RRP15: variants seen among roughly 807,000 people sequenced by gnomAD.
RRP15 encodes the protein RRP15-like protein.
Under a neutral mutation model 27.1 loss-of-function variants are expected in RRP15, and 18 were observed. That is an observed-to-expected ratio of 0.66 (90% confidence interval 0.46 to 0.98). RRP15 has a LOEUF of 0.98. RRP15 is among the 50% of genes least tolerant of loss of function. The probability of loss-of-function intolerance (pLI) is 0.00; values close to 1 mark genes in which losing one functional copy is unlikely to be tolerated. For synonymous variants in RRP15, 107 were observed against 109.4 expected, an observed-to-expected ratio of 0.98 and a Z score of 0.14; for missense variants, 359 against 337.8, an observed-to-expected ratio of 1.06 and a Z score of -0.49.
chr1:218,291,972 G>T (rs1558201068), intron 1 of RRP15, among the ~76,000 whole-genome samples: 1 of 152,068 alleles, frequency 6.6e-6, no homozygotes, highest in Non-Finnish European at 1.5e-5. Flanking sequence ...AAAGTAGCTA[G>T]GACCACAAGT....
At chr1:218,320,280 A>C (rs2102511506) in intron 4 of RRP15, among the ~76,000 whole-genome samples, 1 of 144,324 alleles carries the variant, frequency 6.9e-6, no homozygotes, top group East Asian at 2.0e-4. Flanking sequence ...CTCACTGTTC[A>C]ATTCCCACCT....
In RRP15 at chr1:218,334,326, T is replaced by A. The variant is rs1251160295; in HGVS notation, c.*3235T>A. 1 of 152,210 alleles carries A rather than the reference T, an allele frequency of 6.6e-6. No homozygotes were observed. Among genetic ancestry groups the A allele is most frequent in the African/African-American group, 2.4e-5 (1 of 41,458 alleles). 9.4% of individuals were successfully genotyped at this position (152,210 alleles called of 1,614,324 possible). A position where few individuals can be genotyped will look rare whatever the true frequency, so the allele number is the denominator to read the frequency against. On this transcript the variant is annotated 3_prime_UTR_variant, in exon 5 of 5. Coordinates refer to ENST00000366932, the MANE Select transcript of RRP15 (RefSeq NM_016052.4). Reference sequence around the variant, plus strand: ...TACCACTAGTACTTAGAGCCTAAAGTCACTCAGTAGGAGGTTCTCAAAGGT... The same window carrying A: ...TACCACTAGTACTTAGAGCCTAAAGACACTCAGTAGGAGGTTCTCAAAGGT...
chr1:218,309,224 A>C (rs1232725388), intron 4 of RRP15, among the ~76,000 whole-genome samples: 1 of 152,194 alleles, frequency 6.6e-6, no homozygotes, highest in East Asian at 1.9e-4. Context: ...ACCCTGCCCC[A>C]TGCCATCAAT....
At chr1:218,314,729 A>C (rs1400142871) in intron 4 of RRP15, among the ~76,000 whole-genome samples, 1 of 152,134 alleles carries the variant, frequency 6.6e-6, no homozygotes, top group South Asian at 2.1e-4. Flanking sequence ...ATGGTGGCTC[A>C]CATCTGTAAT....
chr1:218,298,794 C>G (rs766940188), intron 1 of RRP15, among the ~76,000 whole-genome samples: 7 of 152,180 alleles, frequency 4.6e-5, no homozygotes, highest in Non-Finnish European at 8.8e-5. Flanking sequence ...ACTCAATAGG[C>G]TCTTGTGGCT....
At chr1:218,295,528 G>T (rs1292260759) in intron 1 of RRP15, among the ~76,000 whole-genome samples, 1 of 152,170 alleles carries the variant, frequency 6.6e-6, no homozygotes, top group Non-Finnish European at 1.5e-5. Flanking sequence ...TATAACAAAA[G>T]ACTTGATAAC....
chr1:218,320,795 G>A (rs904612477), intron 4 of RRP15, among the ~76,000 whole-genome samples: 2 of 151,860 alleles, frequency 1.3e-5, no homozygotes, highest in African/African-American at 4.8e-5. Flanking sequence ...AATCCATAAA[G>A]TATGTTTTTA....
At chr1:218,324,855 A>G (rs1656247786) in intron 4 of RRP15, among the ~76,000 whole-genome samples, 1 of 152,008 alleles carries the variant, frequency 6.6e-6, no homozygotes, top group Non-Finnish European at 1.5e-5. Context: ...TTGACTTTTC[A>G]TATTTAATTT....
intron 1 of RRP15, among the ~76,000 whole-genome samples, chr1:218,291,395 A>G (rs554924917): frequency 2.5e-4 from 38 of 150,228 alleles, no homozygotes; most frequent in African/African-American, 9.3e-4. Flanking sequence ...CAGTGGGCCA[A>G]GATTGTGCCA....
intron 4 of RRP15, among the ~76,000 whole-genome samples, chr1:218,317,149 A>T (rs1319435884): frequency 6.6e-6 from 1 of 152,232 alleles, no homozygotes; most frequent in Non-Finnish European, 1.5e-5. Flanking sequence ...AATGTGCAGA[A>T]CATCATTAGA....
chr1:218,299,757 A>T (rs1655781383), intron 1 of RRP15, among the ~76,000 whole-genome samples: 1 of 152,162 alleles, frequency 6.6e-6, no homozygotes, highest in Non-Finnish European at 1.5e-5. Context: ...TTATTTTGTT[A>T]TTAGTGTCTG....
chr1:218,311,413 ATACT>A (rs747909656), intron 4 of RRP15, among the ~76,000 whole-genome samples: 9 of 152,112 alleles, frequency 5.9e-5, no homozygotes, highest in African/African-American at 1.2e-4. Flanking sequence ...TACAATAATA[ATACT>A]TACTTTCTTC....
chr1:218,314,896 G>A (rs549550722), intron 4 of RRP15, among the ~76,000 whole-genome samples: 1 of 151,500 alleles, frequency 6.6e-6, no homozygotes, highest in African/African-American at 2.4e-5. Flanking sequence ...GGAGGCTGAG[G>A]CAGGAGAATC....
intron 3 of RRP15, among the ~76,000 whole-genome samples, chr1:218,305,878 G>A (rs1216430571): frequency 1.3e-5 from 2 of 152,104 alleles, no homozygotes; most frequent in African/African-American, 2.4e-5. Context: ...GCCAGTGCTC[G>A]GTTCAAATCG....
Position 218,331,040 on chromosome 1 carries a change from T to C in RRP15, c.798T>C (p.Ser266=), listed in dbSNP as rs536456594. 6.2e-7 allele frequency: 1 copy of C among 1,613,710 alleles called. No homozygotes were observed. Residue 266 remains serine (S), a synonymous_variant, in exon 5 of 5, where the codon AGT becomes AGC. Transcript: ENST00000366932. ...GASMKDWDKE[S]DGPDDSRPES... is the part of the protein sequence containing the mutation. ...CTATGAAAGACTGGGACAAGGAAAG[T>C]GATGGGCCAGATGACAGCAGACCAG... is the stretch of plus-strand genomic sequence containing the variant.
intron 3 of RRP15, among the ~76,000 whole-genome samples, chr1:218,306,562 G>A (rs1655901997): frequency 6.6e-6 from 1 of 152,094 alleles, no homozygotes; most frequent in South Asian, 2.1e-4. Context: ...ATAATTATTG[G>A]AAGAGGCAGA....
chr1:218,319,911 G>A (rs2102511128), intron 4 of RRP15, among the ~76,000 whole-genome samples: 1 of 151,798 alleles, frequency 6.6e-6, no homozygotes, highest in East Asian at 1.9e-4. Context: ...AGACTAATTG[G>A]CAGAGTGTAT....
In RRP15 at chr1:218,331,026, T is replaced by C; in HGVS notation, c.784T>C (p.Trp262Arg). 1 of 1,613,872 alleles carries C rather than the reference T, an allele frequency of 6.2e-7. No homozygotes were observed. Among genetic ancestry groups the C allele is most frequent in the Middle Eastern group, 1.7e-4 (1 of 6,060 alleles). Reference sequence around the variant, plus strand: ...CATGATGGGAGCATCTATGAAAGACTGGGACAAGGAAAGTGATGGGCCAGA... The same window carrying C: ...CATGATGGGAGCATCTATGAAAGACCGGGACAAGGAAAGTGATGGGCCAGA... The part of the protein sequence containing the change: ...DFMMGASMKD[W>R]DKESDGPDDS... Residue 262 changes from tryptophan to arginine, a missense_variant, in exon 5 of 5, where the codon TGG (tryptophan) becomes CGG (arginine). Trp to Arg is a moderately radical substitution (Grantham distance 101). Transcript: ENST00000366932.
chr1:218,285,733 G>A (rs1655535479), intron 1 of RRP15, among the ~76,000 whole-genome samples: 1 of 152,056 alleles, frequency 6.6e-6, no homozygotes. Flanking sequence ...TGCAGCTACC[G>A]AGAAACTTAC....
Sources: gnomAD v4.1 joint callset for allele counts (sites outside exome capture counted in the v4.1 genomes callset) on GRCh38, gnomAD v4.1.1 for gene constraint, MANE v1.5 for transcripts, NCBI Gene and HGNC (gene_info 2026-07-23, HGNC 2026-07-21) for gene names.